Variants in RBMS3 observed in about 807,000 individuals in gnomAD.
RBMS3 encodes the protein RNA binding motif single stranded interacting protein 3.
RBMS3 carries 27 observed loss-of-function variants against 66.8 expected under a neutral mutation model. The observed-to-expected ratio is 0.40, with a 90% CI of 0.30 to 0.56. The LOEUF (loss-of-function observed/expected upper bound fraction) is 0.56, where lower values mean the gene tolerates loss of function less well. Among genes scored for constraint, RBMS3 ranks in the 20% least tolerant of loss-of-function variants. The pLI is 0.40. For missense variants in RBMS3, 513 were observed against 549.5 expected, an observed-to-expected ratio of 0.93 and a Z score of 0.66; for synonymous variants, 188 against 183.0, an observed-to-expected ratio of 1.03 and a Z score of -0.22.
chr3:29,898,910 T>C (rs1377388938), intron 9 of RBMS3, among the ~76,000 whole-genome samples: 1 of 151,630 alleles, frequency 6.6e-6, no homozygotes, highest in Non-Finnish European at 1.5e-5. Context: ...AATTTAACTC[T>C]AGCTCCCTTT....
intron 10 of RBMS3, among the ~76,000 whole-genome samples, chr3:29,927,485 A>G (rs901357300): frequency 2.6e-5 from 4 of 152,316 alleles, no homozygotes; most frequent in African/African-American, 9.6e-5. Context: ...CAGGGAAGAA[A>G]TAAAGTTTGA....
intron 4 of RBMS3, among the ~76,000 whole-genome samples, chr3:29,729,299 C>A (rs2054023713): frequency 6.6e-6 from 1 of 152,012 alleles, no homozygotes; most frequent in African/African-American, 2.4e-5. Flanking sequence ...TCATCCATGT[C>A]CCTGAAAAGG....
chr3:29,391,906 A>AT (rs1365595039), intron 1 of RBMS3, among the ~76,000 whole-genome samples: 1 of 152,240 alleles, frequency 6.6e-6, no homozygotes, highest in African/African-American at 2.4e-5. Flanking sequence ...TATGAGATTG[A>AT]TTTTTAACAT....
intron 6 of RBMS3, among the ~76,000 whole-genome samples, chr3:29,822,146 T>C (rs2058091178): frequency 6.6e-6 from 1 of 152,218 alleles, no homozygotes; most frequent in Admixed American, 6.5e-5. Flanking sequence ...TGCTTCTCTT[T>C]TTTTCACATT....
chr3:29,555,707 T>A (rs2046335355), intron 3 of RBMS3, among the ~76,000 whole-genome samples: 1 of 152,178 alleles, frequency 6.6e-6, no homozygotes, highest in Admixed American at 6.5e-5. Flanking sequence ...TTACTCCTAG[T>A]CTAAAGTGGA....
chr3:29,408,888 C>T (rs760786543), intron 1 of RBMS3, among the ~76,000 whole-genome samples: 1 of 152,174 alleles, frequency 6.6e-6, no homozygotes, highest in South Asian at 2.1e-4. Context: ...TGGCTGCCAA[C>T]TTAAAATTCC....
At chr3:29,472,096 G>A (rs1187833274) in intron 2 of RBMS3, among the ~76,000 whole-genome samples, 1 of 151,888 alleles carries the variant, frequency 6.6e-6, no homozygotes, top group Non-Finnish European at 1.5e-5. Context: ...TCAGTGTATA[G>A]TTTGTATTTT....
rs142760172 is a variant in RBMS3, at chr3:29,351,671, C to A, written c.75+69915C>A. Reference sequence around the variant, plus strand: ...TAGATTTTCCCCAATTAGTTTTCTGCATTTTGATTTTGCTTATGATATTTT... The same window carrying A: ...TAGATTTTCCCCAATTAGTTTTCTGAATTTTGATTTTGCTTATGATATTTT... On this transcript the variant is annotated intron_variant, in intron 1 of 14. Transcript: ENST00000383767. 2.2e-3 allele frequency among the ~76,000 whole-genome samples: 333 copies of A among 151,902 alleles called. 2 individuals carry two copies. Among genetic ancestry groups the A allele is most frequent in the African/African-American group, 7.6e-3 (316 of 41,434 alleles).
chr3:29,730,059 C>A (rs1204625741), intron 4 of RBMS3, among the ~76,000 whole-genome samples: 2 of 151,132 alleles, frequency 1.3e-5, no homozygotes, highest in Non-Finnish European at 1.5e-5. Context: ...ATATATCTTA[C>A]CTAACAACAA....
chr3:29,925,421 T>C (rs2060910981), intron 10 of RBMS3, among the ~76,000 whole-genome samples: 1 of 152,070 alleles, frequency 6.6e-6, no homozygotes, highest in South Asian at 2.1e-4. Flanking sequence ...AAATATGTCA[T>C]AGGAAAAGAA....
intron 3 of RBMS3, among the ~76,000 whole-genome samples, chr3:29,558,622 T>C (rs12488670): frequency 0.014 from 2,195 of 152,312 alleles, 57 homozygotes; most frequent in African/African-American, 0.05. Flanking sequence ...CAGCATTGTG[T>C]TGGGTACTGA....
chr3:29,763,767 T>C (rs1032288836), intron 6 of RBMS3, among the ~76,000 whole-genome samples: 30 of 152,100 alleles, frequency 2.0e-4, no homozygotes, highest in African/African-American at 7.0e-4. Flanking sequence ...AGTAAAGTTT[T>C]AAATATAATT....
chr3:29,685,509 A>G (rs2051692856), intron 4 of RBMS3, among the ~76,000 whole-genome samples: 1 of 152,080 alleles, frequency 6.6e-6, no homozygotes, highest in East Asian at 1.9e-4. Flanking sequence ...TCCATCCTCT[A>G]AAAAAGGGAA....
At position 29,330,554 on chromosome 3, in the gene RBMS3, C is replaced by T. The variant is rs993387430; in HGVS notation, c.75+48798C>T. On this transcript the variant is annotated intron_variant, in intron 1 of 14. Coordinates refer to ENST00000383767, the MANE Select transcript of RBMS3 (RefSeq NM_001003793.3). ...TAAAAAATCCATTCTGGGTGGGTATCTATTCTCAGCCTTCATTATCTACAG... is the reference window on the plus strand; with the variant it reads ...TAAAAAATCCATTCTGGGTGGGTATTTATTCTCAGCCTTCATTATCTACAG... Among the ~76,000 whole-genome samples, 31 of 152,056 alleles carry T rather than the reference C, an allele frequency of 2.0e-4. 1 individual carries two copies. Among genetic ancestry groups the T allele is most frequent in the African/African-American group, 7.2e-4 (30 of 41,408 alleles).
intron 6 of RBMS3, among the ~76,000 whole-genome samples, chr3:29,793,315 G>A (rs553978241): frequency 6.6e-6 from 1 of 151,912 alleles, no homozygotes; most frequent in Non-Finnish European, 1.5e-5. Context: ...AAGTTAGAAT[G>A]TTAGCTTCTG....
At chr3:29,526,598 G>C (rs938057878) in intron 3 of RBMS3, among the ~76,000 whole-genome samples, 6 of 138,500 alleles carry the variant, frequency 4.3e-5, no homozygotes, top group African/African-American at 1.6e-4. Context: ...GCCCACATCT[G>C]GTCTTCTAAG....
At chr3:29,695,084 T>C (rs1053807822) in intron 4 of RBMS3, among the ~76,000 whole-genome samples, 2 of 152,138 alleles carry the variant, frequency 1.3e-5, no homozygotes, top group African/African-American at 4.8e-5. Flanking sequence ...TAAACAACAC[T>C]TTTGCTCAAA....
At chr3:29,681,174 T>C (rs542277263) in intron 4 of RBMS3, among the ~76,000 whole-genome samples, 57 of 152,340 alleles carry the variant, frequency 3.7e-4, no homozygotes, top group Non-Finnish European at 7.9e-4. Flanking sequence ...CTATATATCC[T>C]GCACTTACTG....
chr3:29,876,789 C>T (rs984418968), intron 7 of RBMS3, among the ~76,000 whole-genome samples: 4 of 151,014 alleles, frequency 2.6e-5, no homozygotes, highest in South Asian at 2.1e-4. Flanking sequence ...CAGGGCAAGG[C>T]GAGTGTATGT....
Sources: gnomAD v4.1 joint callset for allele counts (sites outside exome capture counted in the v4.1 genomes callset) on GRCh38, gnomAD v4.1.1 for gene constraint, MANE v1.5 for transcripts, NCBI Gene and HGNC (gene_info 2026-07-23, HGNC 2026-07-21) for gene names.